The following HECW2 variants were observed in gnomAD, a reference collection of about 807,000 sequenced individuals.
HECW2 encodes E3 ubiquitin-protein ligase HECW2.
Under a neutral mutation model 175.2 loss-of-function variants are expected in HECW2, and 61 were observed. That is an observed-to-expected ratio of 0.35 (90% CI 0.28 to 0.43). The LOEUF (loss-of-function observed/expected upper bound fraction) is 0.43. Ranked by LOEUF, HECW2 falls within the 20% of genes least tolerant of loss-of-function variation. The probability of loss-of-function intolerance (pLI) is 1.00; values close to 1 mark genes in which losing one functional copy is unlikely to be tolerated. For missense variants in HECW2, 1,524 were observed against 2,000.5 expected (o/e 0.76, Z 4.54); for synonymous variants, 671 against 731.0 (o/e 0.92, Z 1.32).
At chr2:196,269,284 A>T (rs1306686489) in intron 17 of HECW2, 1 of 152,210 alleles carries the variant, frequency 6.6e-6, no homozygotes, top group African/African-American at 2.4e-5. Context: ...CAGGCATTCA[A>T]TACCAGCCTG....
At chr2:196,530,688 A>G (rs753380648) in intron 1 of HECW2, among the ~76,000 whole-genome samples, 36 of 152,372 alleles carry the variant, frequency 2.4e-4, no homozygotes, top group Non-Finnish European at 5.0e-4. Context: ...ACAACTAAAT[A>G]TAACAATTCA....
intron 5 of HECW2, among the ~76,000 whole-genome samples, chr2:196,327,372 C>CT (rs537509823): frequency 1.9e-4 from 29 of 152,110 alleles, no homozygotes; most frequent in Non-Finnish European, 3.7e-4. Context: ...CTGATCTTTT[C>CT]TTTTTTGTCT....
intron 1 of HECW2, among the ~76,000 whole-genome samples, chr2:196,470,771 G>C (rs892716272): frequency 1.3e-5 from 2 of 152,042 alleles, no homozygotes; most frequent in African/African-American, 4.8e-5. Context: ...CTTTATATAT[G>C]AAAGTTCTGT....
At chr2:196,208,809 A>G (rs570080484) in intron 28 of HECW2, among the ~76,000 whole-genome samples, 18 of 152,302 alleles carry the variant, frequency 1.2e-4, no homozygotes, top group Non-Finnish European at 2.2e-4. Context: ...AGGTTGCAGG[A>G]GGAGGCAGAC....
chr2:196,278,729 C>T (rs552465157), intron 14 of HECW2, 67 bp from the exon 15 acceptor site: 40 of 1,565,650 alleles, frequency 2.6e-5, no homozygotes, highest in Middle Eastern at 1.7e-4. Context: ...TAACATCAGA[C>T]GGTCAGGAAA....
intron 2 of HECW2, among the ~76,000 whole-genome samples, chr2:196,389,358 G>C (rs1451625490): frequency 6.6e-6 from 1 of 152,138 alleles, no homozygotes; most frequent in Non-Finnish European, 1.5e-5. Context: ...AGAAACCCTA[G>C]TGTTTTGAGG....
intron 1 of HECW2, among the ~76,000 whole-genome samples, chr2:196,501,157 T>C (rs1312825587): frequency 1.3e-5 from 2 of 152,342 alleles, no homozygotes; most frequent in East Asian, 3.9e-4. Flanking sequence ...CTTTTTTAAA[T>C]TATAAGTTAT....
chr2:196,590,580 G>GAGAAAGCC (rs1394174831), intron 1 of HECW2, among the ~76,000 whole-genome samples: 1 of 152,206 alleles, frequency 6.6e-6, no homozygotes, highest in African/African-American at 2.4e-5. Context: ...CTTCACAACA[G>GAGAAAGCC]AGAAAGCCAC....
In HECW2 at chr2:196,379,079, C is replaced by CAA. The variant is rs35075483; in HGVS notation, c.293-35317_293-35316dup. 5.4e-3 allele frequency among the ~76,000 whole-genome samples: 738 copies of CAA among 136,508 alleles called. 10 individuals are homozygous for CAA. The highest frequency in any genetic ancestry group is 0.011 in the African/African-American group (407 of 38,280). The allele number at this position is 136,508 out of a possible 152,430, so 89.6% of individuals were successfully genotyped here. ...CAAGTTAAAAGACAATACCAGTGAG[C>CAA]AAAAAAAAAAACAAATCCTGAATGT... On this transcript the variant is annotated intron_variant, in intron 2 of 28. Coordinates refer to ENST00000644978, the MANE Select transcript of HECW2 (RefSeq NM_001348768.2).
At position 196,240,520 on chromosome 2, in the gene HECW2, A is replaced by G. The variant is rs777637521; in HGVS notation, c.3693T>C (p.Asn1231=). ...RRDHLLEDAF[N]QIMGYSRKDL... is the part of the protein sequence containing the mutation. ...CTTTTCTGGAGTAGCCCATAATCTG[A>G]TTAAAAGCATCTTCTAGTAAGTGAT... Residue 1231 remains asparagine (N), a synonymous_variant, in exon 21 of 29, where the codon AAT becomes AAC. Coordinates refer to ENST00000644978, the MANE Select transcript of HECW2 (RefSeq NM_001348768.2). 3 of 1,611,370 alleles carry G rather than the reference A, an allele frequency of 1.9e-6. No individual in the cohort carries two copies. The South Asian group carries it at 3.3e-5, about 18-fold the overall frequency.
chr2:196,274,132 A>G lies in HECW2; in HGVS notation c.3136-9T>C. 1 of 1,604,992 alleles carries G rather than the reference A, an allele frequency of 6.2e-7. No individual in the cohort carries two copies. Among genetic ancestry groups the G allele is most frequent in the Admixed American group, 1.7e-5 (1 of 59,972 alleles). On this transcript the variant is annotated splice_polypyrimidine_tract_variant and intron_variant, in intron 15 of 28. Transcript: ENST00000644978. ...CGAGAATCTTCTCCTACCTGCAAACAGAAGCATCATTTATGTTCTGCACCA... is the reference window on the plus strand; with the variant it reads ...CGAGAATCTTCTCCTACCTGCAAACGGAAGCATCATTTATGTTCTGCACCA...
intron 1 of HECW2, among the ~76,000 whole-genome samples, chr2:196,490,148 C>T (rs1019490075): frequency 2.6e-5 from 4 of 152,196 alleles, no homozygotes; most frequent in African/African-American, 9.7e-5. Context: ...GCCCGGCAAA[C>T]TCCATTTGCC....
chr2:196,343,635 T>C, intron 3 of HECW2, 22 bp downstream of exon 3: 1 of 1,428,852 alleles, frequency 7.0e-7, no homozygotes, highest in East Asian at 2.3e-5. Flanking sequence ...AATAAGTTTA[T>C]ATTTCACACT....
In HECW2 at chr2:196,402,424, G is replaced by A. The variant is rs77750885; in HGVS notation, c.292+30708C>T. ...AAATAGTTGTCTAACATGGGAATAA[G>A]AGTGAGAGACTCTGAGCCATTAATA... On this transcript the variant is annotated intron_variant, in intron 2 of 28. Coordinates refer to ENST00000644978, the MANE Select transcript of HECW2 (RefSeq NM_001348768.2). 2.6e-4 allele frequency among the ~76,000 whole-genome samples: 39 copies of A among 152,278 alleles called. 1 individual carries two copies. The East Asian group carries it at 7.1e-3, about 28-fold the overall frequency.
intron 16 of HECW2, among the ~76,000 whole-genome samples, chr2:196,273,157 T>TC (rs1234169078): frequency 6.7e-6 from 1 of 149,192 alleles, no homozygotes; most frequent in African/African-American, 2.5e-5. Context: ...AACCTCTGCC[T>TC]CCCAGGTTCA....
At chr2:196,586,575 C>T (rs1690984234) in intron 1 of HECW2, 1 of 152,112 alleles carries the variant, frequency 6.6e-6, no homozygotes, top group Non-Finnish European at 1.5e-5. Context: ...TCCTCAAGAT[C>T]AGAGGGTATT....
At chr2:196,334,583 G>A in intron 3 of HECW2, 65 bp from the exon 4 acceptor site, 1 of 1,310,296 alleles carries the variant, frequency 7.6e-7, no homozygotes, top group South Asian at 1.3e-5. Context: ...AATCAGCTGT[G>A]GAAATCCACC....
chr2:196,540,272 T>G (rs1408399241), intron 1 of HECW2, among the ~76,000 whole-genome samples: 2 of 152,210 alleles, frequency 1.3e-5, no homozygotes, highest in Admixed American at 1.3e-4. Flanking sequence ...CTTTAAACTT[T>G]TAAAAACTGA....
At chr2:196,561,497 C>T (rs373501865) in intron 1 of HECW2, among the ~76,000 whole-genome samples, 1 of 152,212 alleles carries the variant, frequency 6.6e-6, no homozygotes, top group African/African-American at 2.4e-5. Context: ...TGACCCACAC[C>T]CTATTCGTAC....
Sources: gnomAD v4.1 joint callset for allele counts (sites outside exome capture counted in the v4.1 genomes callset) on GRCh38, gnomAD v4.1.1 for gene constraint, MANE v1.5 for transcripts, NCBI Gene and HGNC (gene_info 2026-07-23, HGNC 2026-07-21) for gene names.